DPP8: variants seen among roughly 807,000 people sequenced by gnomAD.
The protein encoded by DPP8 is dipeptidyl peptidase 8.
DPP8 carries 31 observed loss-of-function variants against 107.5 expected under a neutral mutation model. The ratio of observed to expected loss-of-function variants is 0.29; its 90% CI spans 0.22 to 0.39. The LOEUF (loss-of-function observed/expected upper bound fraction) is 0.39. Among genes scored for constraint, DPP8 ranks in the 10% least tolerant of loss-of-function variants. DPP8 has a pLI of 1.00. For synonymous variants in DPP8, 381 were observed against 356.6 expected, an observed-to-expected ratio of 1.07 and a Z score of -0.77; for missense variants, 842 against 1,076.1, an observed-to-expected ratio of 0.78 and a Z score of 3.04.
At chr15:65,492,516 T>C (rs2068142857) in intron 5 of DPP8, among the ~76,000 whole-genome samples, 1 of 152,156 alleles carries the variant, frequency 6.6e-6, no homozygotes. Flanking sequence ...AGTATGAAAG[T>C]TCTTCTCCAA....
chr15:65,467,935 T>TAC (rs2065504589), intron 12 of DPP8, among the ~76,000 whole-genome samples: 1 of 152,226 alleles, frequency 6.6e-6, no homozygotes. Context: ...TCTTAGGCAG[T>TAC]ACTTTTTTGG....
chr15:65,463,110 T>G (rs2065054172), intron 15 of DPP8, among the ~76,000 whole-genome samples: 1 of 152,236 alleles, frequency 6.6e-6, no homozygotes, highest in South Asian at 2.1e-4. Flanking sequence ...GTTAAGACTC[T>G]TTTGATTTAC....
intron 1 of DPP8, among the ~76,000 whole-genome samples, chr15:65,512,989 G>GT (rs1252412662): frequency 6.6e-5 from 10 of 152,318 alleles, no homozygotes; most frequent in East Asian, 3.9e-4. Flanking sequence ...AACACATTTG[G>GT]TAAGTGTGGA....
chr15:65,491,160 C>CA (rs764574499), intron 5 of DPP8, among the ~76,000 whole-genome samples: 1,178 of 54,318 alleles, frequency 0.022, 26 homozygotes, highest in South Asian at 0.05. Context: ...GACTCCGTCT[C>CA]AAAAAAAAAA....
chr15:65,470,207 A>AG (rs2065746638), intron 12 of DPP8, among the ~76,000 whole-genome samples: 1 of 150,778 alleles, frequency 6.6e-6, no homozygotes, highest in Non-Finnish European at 1.5e-5. Context: ...AAAAAAAAAA[A>AG]AAAAAAAAAA....
At chr15:65,511,911 G>T in intron 2 of DPP8, 1 of 316,318 alleles carries the variant, frequency 3.2e-6, no homozygotes, top group Non-Finnish European at 6.3e-6. Context: ...AATGGATTCA[G>T]GAAGAAGAGA....
chr15:65,449,115 C>T (rs1187571979), intron 19 of DPP8, among the ~76,000 whole-genome samples: 2 of 144,510 alleles, frequency 1.4e-5, no homozygotes, highest in East Asian at 4.0e-4. Context: ...GAGGCTGAGG[C>T]ATGAGAACTG....
Position 65,466,824 on chromosome 15 carries a change from G to A in DPP8, c.1690-11C>T. The A allele has an allele frequency of 1.9e-6, 3 of 1,604,962 alleles. No individual in the cohort carries two copies. The highest frequency in any genetic ancestry group is 3.5e-5 in the Admixed American group (2 of 57,066). Reference sequence around the variant, plus strand: ...AAAGAAGTCACAGTGCTAGAGAAAGGAGAAACAATTATATTTTTCGTCAGG... The same window carrying A: ...AAAGAAGTCACAGTGCTAGAGAAAGAAGAAACAATTATATTTTTCGTCAGG... On this transcript the variant is annotated splice_polypyrimidine_tract_variant and intron_variant, in intron 13 of 19. Transcript: ENST00000300141.
In DPP8 at chr15:65,487,769, T is replaced by C; in HGVS notation, c.876A>G (p.Glu292=). ...TAACATGAATAATTTCCACCTCAGA[T>C]TCATCATTTTCTTCATATAGAATTC... ...ILRILYEEND[E]SEVEIIHVTS... is the part of the protein sequence containing the mutation. Residue 292 remains glutamate, a synonymous_variant, in exon 7 of 20, where the codon GAA becomes GAG. Transcript: ENST00000300141. The C allele has an allele frequency of 3.8e-6, 6 of 1,592,604 alleles. No homozygotes were observed. Among genetic ancestry groups the C allele is most frequent in the Non-Finnish European group, 5.2e-6 (6 of 1,162,220 alleles).
chr15:65,496,437 G>A (rs546326331), intron 5 of DPP8, among the ~76,000 whole-genome samples: 7 of 152,178 alleles, frequency 4.6e-5, no homozygotes, highest in East Asian at 3.9e-4. Flanking sequence ...TCTGGTTCAC[G>A]TGTTCAAAGA....
At chr15:65,456,105 T>G in intron 16 of DPP8, 120 bp downstream of exon 16, 18 of 1,051,252 alleles carry the variant, frequency 1.7e-5, no homozygotes, top group Middle Eastern at 2.8e-4. Context: ...CTCTAACACA[T>G]ACACTCTCAC....
At chr15:65,508,073 A>T (rs530545531) in intron 2 of DPP8, among the ~76,000 whole-genome samples, 1 of 151,658 alleles carries the variant, frequency 6.6e-6, no homozygotes, top group Non-Finnish European at 1.5e-5. Flanking sequence ...CCTTGTCTGT[A>T]CTAAAAATAC....
chr15:65,465,100 G>C (rs1301991096), intron 14 of DPP8, among the ~76,000 whole-genome samples: 5 of 150,962 alleles, frequency 3.3e-5, no homozygotes. Flanking sequence ...CATATTACAA[G>C]TTCTGATTCT....
At position 65,467,123 on chromosome 15, in the gene DPP8, T is replaced by G; in HGVS notation, c.1637A>C (p.Glu546Ala). 2 of 1,614,150 alleles carry G rather than the reference T, an allele frequency of 1.2e-6. No homozygotes were observed. Among genetic ancestry groups the G allele is most frequent in the Non-Finnish European group, 1.7e-6 (2 of 1,180,026 alleles). ...LYVVSYVNPG[E>A]VTRLTDRGYS... ...GCCACGGTCAGTCAGCCTTGTCACC[T>G]CTCCAGGATTTACGTAACTGACTAC... The change falls in exon 13 of 20, where the codon GAG (glutamate) becomes GCG (alanine). Residue 546 changes from glutamate (E) to alanine (A), a missense_variant. Glu to Ala is a moderately radical substitution (Grantham distance 107, BLOSUM62 -1). Transcript: ENST00000300141.
intron 6 of DPP8, among the ~76,000 whole-genome samples, chr15:65,489,819 G>T (rs2067838061): frequency 6.6e-6 from 1 of 152,066 alleles, no homozygotes; most frequent in Non-Finnish European, 1.5e-5. Flanking sequence ...CTGGGTTCAG[G>T]CGATTCTCCT....
At chr15:65,454,515 G>T (rs1595861358) in intron 16 of DPP8, 100 bp from the exon 17 acceptor site, 3 of 1,074,916 alleles carry the variant, frequency 2.8e-6, no homozygotes, top group African/African-American at 3.4e-5. Context: ...ATACCTGTAG[G>T]TGTTTTAATT....
chr15:65,452,886 C>T (rs939326503), intron 17 of DPP8, among the ~76,000 whole-genome samples: 1 of 152,036 alleles, frequency 6.6e-6, no homozygotes, highest in Non-Finnish European at 1.5e-5. Context: ...GCACGAGAAT[C>T]GCTTGAACCT....
rs151034290 is a variant in DPP8, at chr15:65,466,751, G to A, written c.1752C>T (p.Tyr584=). Residue 584 remains tyrosine, a synonymous_variant, in exon 14 of 20, where the codon TAC becomes TAT. Coordinates refer to ENST00000300141, the MANE Select transcript of DPP8 (RefSeq NM_130434.5). ...GGTCATCTTCAGGACTTGATAGCTT[G>A]TAAAGGGACACACAGTGTGGATTCT... The part of the protein sequence containing the change: ...NQKNPHCVSL[Y]KLSSPEDDPT... 8 of 1,613,818 alleles carry A rather than the reference G, an allele frequency of 5.0e-6. No homozygotes were observed. The highest frequency in any genetic ancestry group is 1.3e-5 in the African/African-American group (1 of 74,908).
chr15:65,489,225 C>G (rs2067755056), intron 6 of DPP8, among the ~76,000 whole-genome samples: 1 of 151,942 alleles, frequency 6.6e-6, no homozygotes, highest in East Asian at 1.9e-4. Flanking sequence ...TCCCAAAGTG[C>G]TGAGATTACA....
Sources: allele counts gnomAD v4.1 joint callset (sites outside exome capture counted in the v4.1 genomes callset), GRCh38; gene constraint gnomAD v4.1.1; transcripts MANE v1.5; gene names NCBI Gene and HGNC (gene_info 2026-07-23, HGNC 2026-07-21).